SCUBE2: variants seen among roughly 807,000 people sequenced by gnomAD.
The protein encoded by SCUBE2 is signal peptide, CUB domain and EGF like domain containing 2, also known as signal peptide, CUB and EGF-like domain-containing protein 2.
SCUBE2 carries 114 observed loss-of-function variants against 125.9 expected under a neutral mutation model. The ratio of observed to expected loss-of-function variants is 0.91; its 90% CI spans 0.78 to 1.06. SCUBE2 has a LOEUF of 1.06. Ranked by LOEUF, SCUBE2 falls within the 50% of genes least tolerant of loss-of-function variation. The pLI is 0.00. For synonymous variants in SCUBE2, 459 were observed against 492.9 expected (o/e 0.93, Z 0.91); for missense variants, 1,255 against 1,301.8 (o/e 0.96, Z 0.55).
intron 12 of SCUBE2, 124 bp from the exon 13 acceptor site, chr11:9,052,956 C>T (rs1858572026): frequency 9.8e-7 from 1 of 1,024,900 alleles, no homozygotes; most frequent in African/African-American, 1.6e-5. Flanking sequence ...CATATGGGGT[C>T]TCGAAGCATG....
At chr11:9,069,572 AG>A (rs1325270667) in intron 4 of SCUBE2, 77 bp from the exon 5 acceptor site, 17 of 1,583,146 alleles carry the variant, frequency 1.1e-5, no homozygotes, top group Non-Finnish European at 1.4e-5. Context: ...CAAAGGGCTA[AG>A]GGGTGGCCCA....
At position 9,047,346 on chromosome 11, in the gene SCUBE2, G is replaced by A; in HGVS notation, c.2002+10C>T. 1 of 1,613,948 alleles carries A rather than the reference G, an allele frequency of 6.2e-7. No homozygotes were observed. Among genetic ancestry groups the A allele is most frequent in the Non-Finnish European group, 8.5e-7 (1 of 1,179,840 alleles). On this transcript the variant is annotated intron_variant, in intron 16 of 22. Coordinates refer to ENST00000649792, the MANE Select transcript of SCUBE2 (RefSeq NM_001367977.2). ...CTGTTCTGTTAGCAAGAATGTCCCA[G>A]GCCACTCACCACATTGGTTTTCTGC...
chr11:9,033,986 C>T (rs561908473), intron 16 of SCUBE2, among the ~76,000 whole-genome samples, 190 bp from the exon 17 acceptor site: 8 of 152,280 alleles, frequency 5.3e-5, no homozygotes, highest in Admixed American at 3.3e-4. Flanking sequence ...CTCATTGCCC[C>T]GTTAGAGGTG....
At chr11:9,041,333 C>T (rs1355404729) in intron 16 of SCUBE2, among the ~76,000 whole-genome samples, 2 of 152,122 alleles carry the variant, frequency 1.3e-5, no homozygotes, top group African/African-American at 4.8e-5. Context: ...GTTTCAGAAT[C>T]GCCAGCATGT....
rs975969555 is a variant in SCUBE2 at position 9,020,920 on chromosome 11, G to C, written c.*125C>G. On this transcript the variant is annotated 3_prime_UTR_variant, in exon 23 of 23. Transcript: ENST00000649792. ...AATATCTGTATTATCTATAAAAATTGAACTCTAATGAGTCACTGATACGGG... is the reference window on the plus strand; with the variant it reads ...AATATCTGTATTATCTATAAAAATTCAACTCTAATGAGTCACTGATACGGG... 14 of 778,824 alleles carry C rather than the reference G, an allele frequency of 1.8e-5. No homozygotes were observed. The highest frequency in any genetic ancestry group is 2.5e-5 in the Non-Finnish European group (13 of 510,058). The allele number at this position is 778,824 out of a possible 1,614,324, so 48.2% of individuals were successfully genotyped here. A position where few individuals can be genotyped will look rare whatever the true frequency, so the allele number is the denominator to read the frequency against.
chr11:9,054,996 A>C (rs987499318), intron 10 of SCUBE2, among the ~76,000 whole-genome samples: 2 of 151,740 alleles, frequency 1.3e-5, no homozygotes, highest in African/African-American at 4.8e-5. Flanking sequence ...GGCCTCCCAA[A>C]GTTCTGGGAT....
intron 18 of SCUBE2, chr11:9,030,268 C>G (rs2135129701): frequency 3.5e-6 from 2 of 573,418 alleles, no homozygotes; most frequent in Non-Finnish European, 6.2e-6. Flanking sequence ...TGTGTATCTC[C>G]AAAGAGTTTA....
chr11:9,091,481 C>T lies in SCUBE2; in HGVS notation c.48G>A (p.Leu16=). Residue 16 remains leucine, a synonymous_variant, in exon 1 of 23, where the codon CTG becomes CTA. Coordinates refer to ENST00000649792, the MANE Select transcript of SCUBE2 (RefSeq NM_001367977.2). The surrounding 1 kb of genome is among the most constrained non-coding windows in gnomAD (Gnocchi z 8.5). ...GTGGCGGCAGCAGCAGCAGCAGCAG[C>T]AGCACCGCCCAGGCCGCCCCGGGAC... ...RNRPGAAWAV[L]LLLLLLPPLL... 2 of 1,238,554 alleles carry T rather than the reference C, an allele frequency of 1.6e-6. No homozygotes were observed. The highest frequency in any genetic ancestry group is 2.1e-6 in the Non-Finnish European group (2 of 960,886). The allele number at this position is 1,238,554 out of a possible 1,614,324, so 76.7% of individuals were successfully genotyped here.
At chr11:9,066,485 G>A (rs1860242529) in intron 6 of SCUBE2, among the ~76,000 whole-genome samples, 1 of 152,226 alleles carries the variant, frequency 6.6e-6, no homozygotes, top group African/African-American at 2.4e-5. Context: ...TCCAGGAGAG[G>A]AGGAAGGGCT....
At chr11:9,073,094 G>A (rs949126214) in intron 4 of SCUBE2, among the ~76,000 whole-genome samples, 4 of 152,216 alleles carry the variant, frequency 2.6e-5, no homozygotes, top group African/African-American at 9.7e-5. Flanking sequence ...AAGCCAAAGT[G>A]ACTTCCCAGG....
At chr11:9,066,523 C>T (rs1425311279) in intron 6 of SCUBE2, among the ~76,000 whole-genome samples, 174 bp downstream of exon 6, 3 of 152,216 alleles carry the variant, frequency 2.0e-5, no homozygotes, top group African/African-American at 4.8e-5. Context: ...GAGAGAGGGG[C>T]CTTCCCCACA....
At position 9,065,912 on chromosome 11, in the gene SCUBE2, C is replaced by T. The variant is rs1292729364; in HGVS notation, c.829G>A (p.Val277Met). The T allele has an allele frequency of 1.2e-6, 2 of 1,614,058 alleles. No individual in the cohort carries two copies. The highest frequency in any genetic ancestry group is 2.7e-5 in the African/African-American group (2 of 74,924). Residue 277 changes from valine (V) to methionine (M), a missense_variant, in exon 7 of 23, where the codon GTG becomes ATG. By Grantham distance (21) the Val-to-Met change is conservative. Around this residue, in one of 3 missense-constraint regions of SCUBE2, gnomAD observed 378 missense variants for 463.1 expected, o/e 0.82. Transcript: ENST00000649792. The part of the protein sequence containing the change: ...TTSVVDGDKR[V>M]KRRLLMETCA... Reference sequence around the variant, plus strand: ...CTACCCATGAGCAGCCGCCGTTTCACCCGTTTATCCCCATCCACCACTGAT... The same window carrying T: ...CTACCCATGAGCAGCCGCCGTTTCATCCGTTTATCCCCATCCACCACTGAT...
chr11:9,046,881 C>T (rs1036313647), intron 16 of SCUBE2, among the ~76,000 whole-genome samples: 7 of 152,108 alleles, frequency 4.6e-5, no homozygotes, highest in African/African-American at 1.7e-4. Context: ...GAACAAGTGC[C>T]CCTGGATTCA....
chr11:9,085,157 A>G (rs1274980647), intron 2 of SCUBE2, among the ~76,000 whole-genome samples: 2 of 152,232 alleles, frequency 1.3e-5, no homozygotes, highest in African/African-American at 4.8e-5. Flanking sequence ...GAGACAAGAG[A>G]CACAACTGCT....
chr11:9,055,717 AC>A (rs1859013726), intron 10 of SCUBE2, 75 bp downstream of exon 10: 3 of 1,133,218 alleles, frequency 2.6e-6, no homozygotes, highest in Non-Finnish European at 4.0e-6. Context: ...AGGAAAGCAA[AC>A]CTCAGGGGTA....
Position 9,047,975 on chromosome 11 carries a change from A to T in SCUBE2, c.1763T>A (p.Phe588Tyr), listed in dbSNP as rs1285198341. ...TPKEMFITVE[F>Y]ELETNQKEVT... is the part of the protein sequence containing the mutation. ...CTCCTTTTGGTTAGTTTCAAGCTCA[A>T]ACTCAACAGTGATAAACATTTCCTT... Residue 588 changes from phenylalanine to tyrosine, a missense_variant, in exon 15 of 23, where the codon TTT becomes TAT. Phe to Tyr is a conservative substitution (Grantham distance 22). Transcript: ENST00000649792. The T allele has an allele frequency of 8.1e-6, 13 of 1,613,648 alleles. No individual in the cohort carries two copies. Among genetic ancestry groups the T allele is most frequent in the East Asian group, 2.2e-5 (1 of 44,882 alleles).
At chr11:9,049,460 G>A (rs912341596) in intron 14 of SCUBE2, among the ~76,000 whole-genome samples, 21 of 151,670 alleles carry the variant, frequency 1.4e-4, no homozygotes, top group African/African-American at 4.8e-4. Context: ...TACCCAGGCC[G>A]CTCCTGAACT....
chr11:9,085,657 C>G (rs59345458), intron 2 of SCUBE2, among the ~76,000 whole-genome samples: 1 of 151,706 alleles, frequency 6.6e-6, no homozygotes, highest in Non-Finnish European at 1.5e-5. Flanking sequence ...ACCTGGGAGG[C>G]GGAGGTTGCA....
At chr11:9,062,102 G>C (rs1047354710) in intron 7 of SCUBE2, among the ~76,000 whole-genome samples, 1 of 152,212 alleles carries the variant, frequency 6.6e-6, no homozygotes, top group Non-Finnish European at 1.5e-5. Flanking sequence ...AATAGCAGAG[G>C]AGGAGAGGGT....
Sources: allele counts gnomAD v4.1 joint callset (sites outside exome capture counted in the v4.1 genomes callset), GRCh38; gene constraint gnomAD v4.1.1; regional missense constraint gnomAD v4.1.1; non-coding constraint Gnocchi (gnomAD v3.1); transcripts MANE v1.5; gene names NCBI Gene and HGNC (gene_info 2026-07-23, HGNC 2026-07-21).